TECR: variants seen among roughly 807,000 people sequenced by gnomAD.
TECR encodes trans-2,3-enoyl-CoA reductase.
TECR carries 19 observed loss-of-function variants against 50.6 expected under a neutral mutation model. The observed-to-expected ratio is 0.38, with a 90% CI of 0.26 to 0.55. The LOEUF (loss-of-function observed/expected upper bound fraction) is 0.55, where lower values mean the gene tolerates loss of function less well. Among genes scored for constraint, TECR ranks in the 20% least tolerant of loss-of-function variants. The pLI, the probability that TECR is intolerant of heterozygous loss-of-function variation, is 0.79. For missense variants in TECR, 313 were observed against 408.3 expected (o/e 0.77, Z 2.01); for synonymous variants, 168 against 163.5 (o/e 1.03, Z -0.21).
rs1342705471 is a variant in TECR at position 14,563,352 on chromosome 19, C to A, written c.118+95C>A. 28 of 1,230,466 alleles carry A rather than the reference C, an allele frequency of 2.3e-5. No homozygotes were observed. The Middle Eastern group carries it at 5.6e-4, about 25-fold the overall frequency. 76.2% of individuals were successfully genotyped at this position (1,230,466 alleles called of 1,614,324 possible). On this transcript the variant is annotated intron_variant, in intron 3 of 12. Transcript: ENST00000215567. The surrounding 1 kb of genome is among the most constrained non-coding windows in gnomAD (Gnocchi z 5.3). ...CCATCCTGCACCCCTCTCCCAGGGG[C>A]CTGCAGAGATGCCCCAGTGTGGCCC...
At chr19:14,553,868 A>G (rs757891860) in intron 1 of TECR, among the ~76,000 whole-genome samples, 5 of 152,158 alleles carry the variant, frequency 3.3e-5, no homozygotes, top group Admixed American at 6.5e-5. Flanking sequence ...GGCCAGCTGC[A>G]GGACCTGTCA....
Position 14,564,277 on chromosome 19 carries a change from A to G in TECR, c.479A>G (p.Asn160Ser). 1.2e-6 allele frequency: 2 copies of G among 1,604,714 alleles called. No individual in the cohort carries two copies. The highest frequency in any genetic ancestry group is 8.5e-7 in the Non-Finnish European group (1 of 1,179,578). Residue 160 changes from asparagine to serine, a missense_variant, in exon 7 of 13, where the codon AAC becomes AGC. Asn to Ser is a conservative substitution (Grantham distance 46). Transcript: ENST00000215567. Reference sequence around the variant, plus strand: ...TCCCATGGCACTATGCCTTTGCGCAACATCTTCAAGGTGAGAGCCCGTCCC... The same window carrying G: ...TCCCATGGCACTATGCCTTTGCGCAGCATCTTCAAGGTGAGAGCCCGTCCC... The part of the protein sequence containing the change: ...RFSHGTMPLR[N>S]IFKNCTYYWG...
chr19:14,533,055 T>C (rs992225186), intron 1 of TECR, among the ~76,000 whole-genome samples: 1 of 151,792 alleles, frequency 6.6e-6, no homozygotes, highest in African/African-American at 2.4e-5. Flanking sequence ...GGAGTTGCCA[T>C]GAGCTGAGAT....
Position 14,543,590 on chromosome 19 carries a change from T to C in TECR, c.15+13879T>C, listed in dbSNP as rs563959230. 6.2e-3 allele frequency among the ~76,000 whole-genome samples: 906 copies of C among 146,028 alleles called. 7 individuals carry two copies. The highest frequency in any genetic ancestry group is 0.011 in the Admixed American group (164 of 14,586). Reference sequence around the variant, plus strand: ...AGTAGCTGGGACTACAGGCGCCCGCTACCACGCCCGGCTAATTTTTTGTAT... The same window carrying C: ...AGTAGCTGGGACTACAGGCGCCCGCCACCACGCCCGGCTAATTTTTTGTAT... On this transcript the variant is annotated intron_variant, in intron 1 of 12. Transcript: ENST00000215567.
At chr19:14,556,923 ATTG>A (rs2073748010) in intron 1 of TECR, among the ~76,000 whole-genome samples, 1 of 151,754 alleles carries the variant, frequency 6.6e-6, no homozygotes, top group Admixed American at 6.6e-5. Context: ...GTATCTCGCT[ATTG>A]TTAGGGTTTG....
intron 1 of TECR, among the ~76,000 whole-genome samples, chr19:14,560,696 G>A (rs1461869366): frequency 6.6e-6 from 1 of 152,224 alleles, no homozygotes; most frequent in Non-Finnish European, 1.5e-5. Flanking sequence ...GACTCAGGAG[G>A]CCCCGTGGGC....
At chr19:14,565,457 G>A (rs555658675) in intron 11 of TECR, among the ~76,000 whole-genome samples, 161 bp from the exon 12 acceptor site, 87 of 152,302 alleles carry the variant, frequency 5.7e-4, no homozygotes, top group African/African-American at 2.1e-3. Flanking sequence ...GGAGGCGTGT[G>A]CCGCTGGGCT....
chr19:14,565,432 C>T, intron 11 of TECR, 142 bp downstream of exon 11: 9 of 1,365,856 alleles, frequency 6.6e-6, no homozygotes, highest in Non-Finnish European at 9.1e-6. Flanking sequence ...CGCGGCCTCT[C>T]TGCTGTGGTG....
chr19:14,548,775 A>G lies in TECR; in HGVS notation c.16-13750A>G, dbSNP rs567391836. ...GTATTTTGGTAGAGACGGGTTCACC[A>G]TGTTGGCCAGGCTGGTCTCAAACTC... On this transcript the variant is annotated intron_variant, in intron 1 of 12. Transcript: ENST00000215567. 5.9e-5 allele frequency among the ~76,000 whole-genome samples: 9 copies of G among 152,084 alleles called. No individual in the cohort carries two copies. The East Asian group carries it at 1.4e-3, about 23-fold the overall frequency.
chr19:14,562,405 A>G, intron 1 of TECR, 120 bp from the exon 2 acceptor site: 1 of 1,063,232 alleles, frequency 9.4e-7, no homozygotes, highest in Non-Finnish European at 1.4e-6. Flanking sequence ...CATGGACTTG[A>G]ACTTGAGCTT....
chr19:14,547,059 A>G (rs2073332520), intron 1 of TECR, among the ~76,000 whole-genome samples: 1 of 152,208 alleles, frequency 6.6e-6, no homozygotes, highest in Non-Finnish European at 1.5e-5. Context: ...AGTCATAAAC[A>G]TGTATTATAA....
chr19:14,551,970 TC>T (rs2073536778), intron 1 of TECR, among the ~76,000 whole-genome samples: 2 of 123,494 alleles, frequency 1.6e-5, no homozygotes, highest in African/African-American at 2.9e-5. Context: ...TCTCTCTCTC[TC>T]TTTCTCTCTT....
At chr19:14,536,629 G>A (rs539345617) in intron 1 of TECR, 1 of 152,202 alleles carries the variant, frequency 6.6e-6, no homozygotes, top group Admixed American at 6.5e-5. Context: ...GGCTGACATT[G>A]GCTGATGGTG....
At chr19:14,565,453 G>C (rs914970063) in intron 11 of TECR, among the ~76,000 whole-genome samples, 163 bp downstream of exon 11, 1 of 152,182 alleles carries the variant, frequency 6.6e-6, no homozygotes, top group East Asian at 1.9e-4. Context: ...GCGGGGAGGC[G>C]TGTGCCGCTG....
intron 1 of TECR, among the ~76,000 whole-genome samples, chr19:14,551,885 T>G (rs2146603435): frequency 1.3e-5 from 2 of 151,716 alleles, no homozygotes; most frequent in South Asian, 4.3e-4. Context: ...TCTTCCTCTT[T>G]TTCTTTCCTT....
upstream of TECR, chr19:14,529,551 G>T (rs2072528000): frequency 8.7e-6 from 11 of 1,262,070 alleles, no homozygotes; most frequent in East Asian, 2.6e-4. Flanking sequence ...ATTGGCCGAC[G>T]GGGCGCGCGC....
At chr19:14,557,695 G>A (rs920474732) in intron 1 of TECR, among the ~76,000 whole-genome samples, 10 of 151,048 alleles carry the variant, frequency 6.6e-5, no homozygotes, top group African/African-American at 9.8e-5. Flanking sequence ...CAGGTAACCC[G>A]CCCACCTTGG....
At chr19:14,529,846 C>T in intron 1 of TECR, 135 bp downstream of exon 1, 6 of 1,227,752 alleles carry the variant, frequency 4.9e-6, no homozygotes, top group Admixed American at 2.0e-5. Context: ...AGTGGGCAAG[C>T]GTTGCGCCCC....
At chr19:14,557,640 CG>C (rs1568422778) in intron 1 of TECR, among the ~76,000 whole-genome samples, 1 of 150,974 alleles carries the variant, frequency 6.6e-6, no homozygotes, top group African/African-American at 2.4e-5. Context: ...TTGGTAGAGA[CG>C]GGGTTTCGCC....
Sources: allele counts gnomAD v4.1 joint callset (sites outside exome capture counted in the v4.1 genomes callset), GRCh38; gene constraint gnomAD v4.1.1; non-coding constraint Gnocchi (gnomAD v3.1); transcripts MANE v1.5; gene names NCBI Gene and HGNC (gene_info 2026-07-23, HGNC 2026-07-21).